The following ZBTB20 variants were observed in gnomAD, a reference collection of about 807,000 sequenced individuals.
The protein encoded by ZBTB20 is zinc finger and BTB domain containing 20, also known as zinc finger and BTB domain-containing protein 20.
In ZBTB20, 9 loss-of-function variants were observed where a neutral mutation model predicts 56.9. That is an observed-to-expected ratio of 0.16 (90% CI 0.10 to 0.28). The LOEUF is 0.28. Among genes scored for constraint, ZBTB20 ranks in the 10% least tolerant of loss-of-function variants. The probability of loss-of-function intolerance (pLI) is 1.00; values close to 1 mark genes in which losing one functional copy is unlikely to be tolerated. For missense variants in ZBTB20, 655 were observed against 1,003.0 expected (o/e 0.65, Z 4.69); for synonymous variants, 417 against 420.7 (o/e 0.99, Z 0.11).
At chr3:114,732,282 T>G (rs2065816272) in intron 5 of ZBTB20, among the ~76,000 whole-genome samples, 2 of 152,190 alleles carry the variant, frequency 1.3e-5, no homozygotes, top group African/African-American at 4.8e-5. Context: ...ACAAATCCTC[T>G]CATGAGTATA....
At position 114,812,560 on chromosome 3, in the gene ZBTB20, T is replaced by G. The variant is rs549179228; in HGVS notation, c.-416-11386A>C. The stretch of plus-strand genomic sequence containing the variant: ...TAGCCAGATATAGAGTGTCGATTGG[T>G]GTACTTACAATCCCTTAGCTAGACA... On this transcript the variant is annotated intron_variant, in intron 4 of 11. Coordinates refer to ENST00000675478, the MANE Select transcript of ZBTB20 (RefSeq NM_001348800.3). Among the ~76,000 whole-genome samples the G allele has an allele frequency of 2.0e-5, 3 of 152,306 alleles. 1 individual carries two copies. The South Asian group carries it at 6.2e-4, about 32-fold the overall frequency.
chr3:115,038,724 G>T lies in ZBTB20; in HGVS notation c.-507+32495C>A, dbSNP rs191060805. Among the ~76,000 whole-genome samples the T allele has an allele frequency of 9.2e-5, 14 of 151,916 alleles. No individual in the cohort carries two copies. In the East Asian group the frequency reaches 2.3e-3, roughly 25 times the overall value. On this transcript the variant is annotated intron_variant, in intron 2 of 11. Transcript: ENST00000675478. ...AATCTGTTGTTGGTAAACTATTAAC[G>T]TCATTATATTCAAAGGAAATGTTAA...
chr3:114,351,897 G>A lies in ZBTB20; in HGVS notation c.200-19C>T, dbSNP rs1202164730. ...ATGTCACCTGCAGCATGTCAACGCA[G>A]ACACAAAACAGGGCATGGGTCAGAT... On this transcript the variant is annotated intron_variant, in intron 10 of 11. Coordinates refer to ENST00000675478, the MANE Select transcript of ZBTB20 (RefSeq NM_001348800.3). 4 of 1,573,116 alleles carry A rather than the reference G, an allele frequency of 2.5e-6. No homozygotes were observed. The highest frequency in any genetic ancestry group is 3.5e-6 in the Non-Finnish European group (4 of 1,154,028).
chr3:114,633,409 A>C (rs928849923), intron 6 of ZBTB20, among the ~76,000 whole-genome samples: 1 of 152,178 alleles, frequency 6.6e-6, no homozygotes, highest in African/African-American at 2.4e-5. Context: ...CTTTCACTAC[A>C]ATTTTTTTTT....
chr3:115,081,828 T>C (rs1162598069), intron 1 of ZBTB20, among the ~76,000 whole-genome samples: 2 of 152,184 alleles, frequency 1.3e-5, no homozygotes, highest in Non-Finnish European at 1.5e-5. Flanking sequence ...TAGTGCTACA[T>C]TTCCAAATAA....
rs1353938072 is a variant in ZBTB20 at position 114,368,865 on chromosome 3, G to C, written c.199+11352C>G. On this transcript the variant is annotated intron_variant, in intron 10 of 11. Coordinates refer to ENST00000675478, the MANE Select transcript of ZBTB20 (RefSeq NM_001348800.3). ...TCTAGTCACCCATCTGGGACCTTTA[G>C]GTCAGGAAGAAAATGGAATGGGCTA... Among the ~76,000 whole-genome samples, 3 of 152,294 alleles carry C rather than the reference G, an allele frequency of 2.0e-5. No homozygotes were observed. In the East Asian group the frequency reaches 5.8e-4, roughly 29 times the overall value.
chr3:114,344,703 A>T (rs1046217492), intron 11 of ZBTB20, among the ~76,000 whole-genome samples: 3 of 152,216 alleles, frequency 2.0e-5, no homozygotes, highest in African/African-American at 7.2e-5. Flanking sequence ...GTTACTTTAC[A>T]CCCACTGGCT....
chr3:114,438,421 A>AC (rs2090671239), intron 7 of ZBTB20, among the ~76,000 whole-genome samples: 2 of 123,556 alleles, frequency 1.6e-5, no homozygotes, highest in Admixed American at 9.4e-5. Flanking sequence ...CTTGCCAAAA[A>AC]AAAACAAAAA....
chr3:114,998,168 G>A (rs971261565), intron 2 of ZBTB20, among the ~76,000 whole-genome samples: 2 of 151,526 alleles, frequency 1.3e-5, no homozygotes, highest in African/African-American at 4.8e-5. Context: ...TTCCACATTG[G>A]TACCATCTTA....
chr3:114,780,143 A>C (rs991067286), intron 5 of ZBTB20, among the ~76,000 whole-genome samples: 1 of 152,184 alleles, frequency 6.6e-6, no homozygotes, highest in African/African-American at 2.4e-5. Flanking sequence ...ATTATTGCAT[A>C]ATTTTTTTCT....
chr3:114,712,654 GAAA>G (rs139980086), intron 5 of ZBTB20, among the ~76,000 whole-genome samples: 1 of 79,990 alleles, frequency 1.3e-5, no homozygotes, highest in Non-Finnish European at 2.5e-5. Context: ...ACTCCATCTC[GAAA>G]AAAAAAAAAA....
chr3:114,346,997 C>A (rs3110391), intron 11 of ZBTB20, among the ~76,000 whole-genome samples: 1 of 143,868 alleles, frequency 7.0e-6, no homozygotes, highest in Non-Finnish European at 1.5e-5. Context: ...CAAACACTTT[C>A]TTTCATGAAT....
At chr3:114,819,273 T>C (rs2073112398) in intron 4 of ZBTB20, among the ~76,000 whole-genome samples, 1 of 151,996 alleles carries the variant, frequency 6.6e-6, no homozygotes, top group Admixed American at 6.6e-5. Flanking sequence ...ATTGCAAAGA[T>C]ACTAATACTG....
At chr3:114,991,101 C>G (rs1030012557) in intron 2 of ZBTB20, among the ~76,000 whole-genome samples, 2 of 152,072 alleles carry the variant, frequency 1.3e-5, no homozygotes, top group African/African-American at 2.4e-5. Context: ...GTGTCTCTAT[C>G]TCCTTCAGTT....
chr3:114,580,008 G>A (rs1028320951), intron 6 of ZBTB20, among the ~76,000 whole-genome samples: 4 of 151,582 alleles, frequency 2.6e-5, no homozygotes, highest in African/African-American at 9.7e-5. Context: ...AGAAAAAAAT[G>A]AAATGTTACT....
intron 4 of ZBTB20, among the ~76,000 whole-genome samples, chr3:114,803,796 T>A (rs971946637): frequency 2.1e-5 from 3 of 141,742 alleles, no homozygotes; most frequent in African/African-American, 7.9e-5. Context: ...TTTTTTTTTT[T>A]AATTCAAATT....
chr3:114,392,645 G>C (rs930066829), intron 7 of ZBTB20, among the ~76,000 whole-genome samples: 1 of 152,098 alleles, frequency 6.6e-6, no homozygotes, highest in Non-Finnish European at 1.5e-5. Flanking sequence ...ACCTAGCTTA[G>C]CCTAGTACTC....
intron 1 of ZBTB20, among the ~76,000 whole-genome samples, chr3:115,106,058 C>T (rs955667966): frequency 3.9e-5 from 6 of 152,070 alleles, no homozygotes; most frequent in South Asian, 4.1e-4. Context: ...CCTTGTGATC[C>T]GCCCACCTCA....
intron 7 of ZBTB20, among the ~76,000 whole-genome samples, chr3:114,492,892 A>G (rs753089310): frequency 5.9e-5 from 9 of 152,192 alleles, no homozygotes; most frequent in Non-Finnish European, 1.3e-4. Context: ...TATGCACATG[A>G]GTATGTGAGT....
Sources: gnomAD v4.1 joint callset for allele counts (sites outside exome capture counted in the v4.1 genomes callset) on GRCh38, gnomAD v4.1.1 for gene constraint, MANE v1.5 for transcripts, NCBI Gene and HGNC (gene_info 2026-07-23, HGNC 2026-07-21) for gene names.